HIPK2: variants seen among roughly 807,000 people sequenced by gnomAD.
The protein encoded by HIPK2 is homeodomain interacting protein kinase 2.
In HIPK2, 27 loss-of-function variants were observed where a neutral mutation model predicts 113.7. The ratio of observed to expected loss-of-function variants is 0.24; its 90% CI spans 0.17 to 0.33. HIPK2 has a LOEUF of 0.33. Among genes scored for constraint, HIPK2 ranks in the 10% least tolerant of loss-of-function variants. HIPK2 has a pLI of 1.00. For synonymous variants in HIPK2, 631 were observed against 642.2 expected (o/e 0.98, Z 0.26); for missense variants, 1,257 against 1,588.0 (o/e 0.79, Z 3.54).
intron 1 of HIPK2, among the ~76,000 whole-genome samples, chr7:139,756,766 T>C (rs1361830615): frequency 2.6e-5 from 4 of 152,152 alleles, no homozygotes; most frequent in East Asian, 1.9e-4. Flanking sequence ...CACAACAAAA[T>C]TGAGTGGAAG....
chr7:139,699,006 C>T (rs891157701), intron 2 of HIPK2, among the ~76,000 whole-genome samples: 3 of 151,616 alleles, frequency 2.0e-5, no homozygotes, highest in Admixed American at 6.6e-5. Context: ...CCTTGAAGGA[C>T]GGGTATAATA....
intron 2 of HIPK2, among the ~76,000 whole-genome samples, chr7:139,690,077 T>A (rs1025223093): frequency 1.1e-4 from 4 of 36,294 alleles, no homozygotes; most frequent in Admixed American, 3.1e-4. Flanking sequence ...GGTGGGGGAG[T>A]GCGGGGAGGG....
chr7:139,765,044 G>A (rs1796530494), intron 1 of HIPK2, among the ~76,000 whole-genome samples: 1 of 151,870 alleles, frequency 6.6e-6, no homozygotes, highest in Non-Finnish European at 1.5e-5. Context: ...GTTGAGGCAG[G>A]AGAATCTCTT....
chr7:139,776,490 A>G (rs1387427320), intron 1 of HIPK2, among the ~76,000 whole-genome samples: 3 of 151,822 alleles, frequency 2.0e-5, no homozygotes, highest in Non-Finnish European at 1.5e-5. Flanking sequence ...ACTGGCCACA[A>G]CTGTTCTCCG....
chr7:139,683,070 C>G lies in HIPK2; in HGVS notation c.1103+32862G>C, dbSNP rs1794096133. Among the ~76,000 whole-genome samples the G allele has an allele frequency of 6.6e-6, 1 of 152,158 alleles. No individual in the cohort carries two copies. The highest frequency in any genetic ancestry group is 1.5e-5 in the Non-Finnish European group (1 of 68,022). ...TCTTAAATATAAGGCATTTTTACCA[C>G]CAACACGCCACTCAGTAAGGTCACT... On this transcript the variant is annotated intron_variant, in intron 2 of 14. Transcript: ENST00000406875. The surrounding 1 kb of genome is among the most constrained non-coding windows in gnomAD (Gnocchi z 4.2).
intron 2 of HIPK2, among the ~76,000 whole-genome samples, chr7:139,650,853 A>G (rs1801432598): frequency 6.6e-6 from 1 of 152,230 alleles, no homozygotes; most frequent in Non-Finnish European, 1.5e-5. Flanking sequence ...CCACCTGGGA[A>G]GAACACCCTC....
Position 139,568,753 on chromosome 7 carries a change from C to T in HIPK2, c.*4174G>A, listed in dbSNP as rs541776314. Reference sequence around the variant, plus strand: ...AAGGTGACTCAATGGCAGATTCGGCCAGGTATGCAATTGGGCATCCAGGGA... The same window carrying T: ...AAGGTGACTCAATGGCAGATTCGGCTAGGTATGCAATTGGGCATCCAGGGA... On this transcript the variant is annotated 3_prime_UTR_variant, in exon 15 of 15. Transcript: ENST00000406875. 6.6e-6 allele frequency: 1 copy of T among 152,356 alleles called. No individual in the cohort carries two copies. Among genetic ancestry groups the T allele is most frequent in the Non-Finnish European group, 1.5e-5 (1 of 68,068 alleles). The allele number at this position is 152,356 out of a possible 1,614,324, so 9.4% of individuals were successfully genotyped here.
At chr7:139,773,607 A>G (rs910146890) in intron 1 of HIPK2, among the ~76,000 whole-genome samples, 1 of 152,206 alleles carries the variant, frequency 6.6e-6, no homozygotes, top group Non-Finnish European at 1.5e-5. Context: ...ACTGGTCTCT[A>G]TGGGAGGAAG....
At chr7:139,634,549 C>T (rs1335044053) in intron 2 of HIPK2, among the ~76,000 whole-genome samples, 1 of 152,078 alleles carries the variant, frequency 6.6e-6, no homozygotes, top group Non-Finnish European at 1.5e-5. Flanking sequence ...CCCCCAGGTT[C>T]ACTCATCATT....
In HIPK2 at chr7:139,631,741, G is replaced by C; in HGVS notation, c.1104-16C>G. The C allele has an allele frequency of 6.2e-7, 1 of 1,607,374 alleles. No homozygotes were observed. The highest frequency in any genetic ancestry group is 8.5e-7 in the Non-Finnish European group (1 of 1,177,140). On this transcript the variant is annotated splice_polypyrimidine_tract_variant and intron_variant, in intron 2 of 14. Transcript: ENST00000406875. This position sits in a 1 kb window ranked among gnomAD's most constrained non-coding sequence, Gnocchi z 4.9. ...CTCAGGGGCCCTGAAAAGGAAGAAT[G>C]GAAGAAACCATTAGCAAGTTGGAAA...
At position 139,777,910 on chromosome 7, in the gene HIPK2, C is replaced by T. The variant is rs944492231; in HGVS notation, c.-287G>A. ...GGGCGGAGCGGCCGAGGCCGAGGCG[C>T]CGAGCGGCCGCGGCCCCCGAGCGGA... is the stretch of plus-strand genomic sequence containing the variant. On this transcript the variant is annotated 5_prime_UTR_variant, in exon 1 of 15. Transcript: ENST00000406875. 1.4e-5 allele frequency: 2 copies of T among 142,238 alleles called. No individual in the cohort carries two copies. The highest frequency in any genetic ancestry group is 3.1e-5 in the Non-Finnish European group (2 of 64,368). The allele number at this position is 142,238 out of a possible 1,614,324, so 8.8% of individuals were successfully genotyped here.
chr7:139,588,115 C>T (rs1186764924), intron 12 of HIPK2, among the ~76,000 whole-genome samples: 1 of 151,470 alleles, frequency 6.6e-6, no homozygotes, highest in Non-Finnish European at 1.5e-5. Context: ...GTCAGGAGTT[C>T]GACACCAGCC....
chr7:139,722,423 T>C (rs1795440040), intron 1 of HIPK2, among the ~76,000 whole-genome samples: 1 of 152,240 alleles, frequency 6.6e-6, no homozygotes, highest in Non-Finnish European at 1.5e-5. Flanking sequence ...CTTCTTTTAG[T>C]TACTTTATTG....
At chr7:139,659,097 T>G (rs555654132) in intron 2 of HIPK2, among the ~76,000 whole-genome samples, 1 of 152,262 alleles carries the variant, frequency 6.6e-6, no homozygotes, top group African/African-American at 2.4e-5. Context: ...CCAAAAACAA[T>G]AGGGCCCTGT....
intron 2 of HIPK2, among the ~76,000 whole-genome samples, chr7:139,688,896 A>G (rs1794314560): frequency 6.6e-6 from 1 of 152,234 alleles, no homozygotes; most frequent in Non-Finnish European, 1.5e-5. Context: ...AACAACTTGT[A>G]TAAGACTTCT....
chr7:139,696,179 G>A (rs1274795136), intron 2 of HIPK2, among the ~76,000 whole-genome samples: 2 of 152,262 alleles, frequency 1.3e-5, no homozygotes, highest in African/African-American at 2.4e-5. Context: ...ATGCAACTAC[G>A]TAAATACACA....
At chr7:139,648,349 A>G (rs573804052) in intron 2 of HIPK2, among the ~76,000 whole-genome samples, 68 of 152,252 alleles carry the variant, frequency 4.5e-4, no homozygotes, top group African/African-American at 1.4e-3. Context: ...TTCCCTGACT[A>G]TATAGAGGTT....
rs745344605 is a variant in HIPK2 at position 139,573,098 on chromosome 7, G to A, written c.3426C>T (p.His1142=). The A allele has an allele frequency of 1.2e-6, 2 of 1,612,174 alleles. No homozygotes were observed. Among genetic ancestry groups the A allele is most frequent in the Admixed American group, 1.7e-5 (1 of 59,654 alleles). The change falls in exon 15 of 15, where the codon CAC becomes CAT. Residue 1142 remains histidine (H), a synonymous_variant. Transcript: ENST00000406875. ...GGGGGCCCATGCTCACGGGGACCTG[G>A]TGGACGATGCTGGCTGGGTAGGCAG... The part of the protein sequence containing the change: ...QHTAYPASIV[H]QVPVSMGPRV...
intron 2 of HIPK2, among the ~76,000 whole-genome samples, chr7:139,649,363 T>C (rs1801372045): frequency 6.6e-6 from 1 of 152,198 alleles, no homozygotes; most frequent in South Asian, 2.1e-4. Flanking sequence ...GTGCTGACCT[T>C]CAGTTCCCAG....
Sources: allele counts gnomAD v4.1 joint callset (sites outside exome capture counted in the v4.1 genomes callset), GRCh38; gene constraint gnomAD v4.1.1; non-coding constraint Gnocchi (gnomAD v3.1); transcripts MANE v1.5; gene names NCBI Gene and HGNC (gene_info 2026-07-23, HGNC 2026-07-21).